The following ACTR3B variants were observed in gnomAD, a reference collection of about 807,000 sequenced individuals.
The protein encoded by ACTR3B is actin-related protein 3B.
A neutral mutation model predicts 59.0 loss-of-function variants in ACTR3B; 8 were observed. That is an observed-to-expected ratio of 0.14 (90% CI 0.08 to 0.24). The LOEUF (loss-of-function observed/expected upper bound fraction) is 0.24, where lower values mean the gene tolerates loss of function less well. ACTR3B is among the 10% of genes least tolerant of loss of function. The pLI is 1.00. For missense variants in ACTR3B, 245 were observed against 552.3 expected, an observed-to-expected ratio of 0.44 and a Z score of 5.58; for synonymous variants, 148 against 197.9, an observed-to-expected ratio of 0.75 and a Z score of 2.12.
intron 9 of ACTR3B, among the ~76,000 whole-genome samples, chr7:152,844,620 C>T (rs893357818): frequency 4.0e-5 from 6 of 151,716 alleles, no homozygotes; most frequent in Non-Finnish European, 1.5e-5. Context: ...GTTACAAATT[C>T]TTTCTTATTG....
chr7:152,784,447 C>A (rs2098164875), intron 2 of ACTR3B, among the ~76,000 whole-genome samples: 1 of 152,082 alleles, frequency 6.6e-6, no homozygotes, highest in African/African-American at 2.4e-5. Flanking sequence ...TAACCTCATT[C>A]CGGTTCCTTG....
chr7:152,768,539 C>T (rs530324372), intron 1 of ACTR3B, among the ~76,000 whole-genome samples: 81 of 152,076 alleles, frequency 5.3e-4, no homozygotes, highest in African/African-American at 1.8e-3. Flanking sequence ...TGCAATGGAG[C>T]GATCTCGGCT....
chr7:152,845,516 T>C (rs1445016232), intron 9 of ACTR3B, among the ~76,000 whole-genome samples: 1 of 152,238 alleles, frequency 6.6e-6, no homozygotes, highest in African/African-American at 2.4e-5. Context: ...AGCTGGACAC[T>C]TGGAGCTCCC....
intron 2 of ACTR3B, among the ~76,000 whole-genome samples, chr7:152,800,283 C>G (rs1174456793): frequency 6.6e-6 from 1 of 152,276 alleles, no homozygotes; most frequent in Non-Finnish European, 1.5e-5. Flanking sequence ...AATGGACCTT[C>G]TGTCAGTATA....
intron 2 of ACTR3B, among the ~76,000 whole-genome samples, chr7:152,793,969 C>G (rs1022552231): frequency 1.4e-4 from 22 of 151,810 alleles, no homozygotes; most frequent in African/African-American, 5.1e-4. Flanking sequence ...GAAGTGGGGA[C>G]TGTGGTATGT....
In ACTR3B at chr7:152,823,522, T is replaced by C. The variant is rs1294019588; in HGVS notation, c.858+7T>C. 8 of 1,613,872 alleles carry C rather than the reference T, an allele frequency of 5.0e-6. No homozygotes were observed. The South Asian group carries it at 6.6e-5, about 13-fold the overall frequency. Reference sequence around the variant, plus strand: ...AATATTCTTTCACCCGGAGGTGAGATGTTTCCTTTTTTGTGTGCTCAAGTG... The same window carrying C: ...AATATTCTTTCACCCGGAGGTGAGACGTTTCCTTTTTTGTGTGCTCAAGTG... On this transcript the variant is annotated splice_region_variant and intron_variant, in intron 8 of 11. Transcript: ENST00000256001.
chr7:152,844,049 C>A (rs1252441660), intron 9 of ACTR3B, among the ~76,000 whole-genome samples: 1 of 152,156 alleles, frequency 6.6e-6, no homozygotes, highest in Non-Finnish European at 1.5e-5. Context: ...GCTTGAAATT[C>A]TTTCTAAATT....
At chr7:152,811,741 T>C (rs1795252990) in intron 4 of ACTR3B, 1 of 152,024 alleles carries the variant, frequency 6.6e-6, no homozygotes, top group African/African-American at 2.4e-5. Flanking sequence ...CAGGTTGGTA[T>C]TGCCACATGT....
In ACTR3B at chr7:152,837,988, G is replaced by A. The variant is rs561329200; in HGVS notation, c.951+12866G>A. Among the ~76,000 whole-genome samples, 5 of 152,184 alleles carry A rather than the reference G, an allele frequency of 3.3e-5. No individual in the cohort carries two copies. In the South Asian group the frequency reaches 1.0e-3, roughly 32 times the overall value. On this transcript the variant is annotated intron_variant, in intron 9 of 11. Transcript: ENST00000256001. ...TCCATTTCATCTGGGCGAGGGGGGA[G>A]GTATGCTTTTGTAGTTGAGTGTTAA...
At chr7:152,792,652 G>T (rs1467824646) in intron 2 of ACTR3B, among the ~76,000 whole-genome samples, 1 of 152,070 alleles carries the variant, frequency 6.6e-6, no homozygotes, top group African/African-American at 2.4e-5. Context: ...GGAGGCTGAG[G>T]CAGGAGAATT....
At chr7:152,792,618 G>A (rs1355627195) in intron 2 of ACTR3B, among the ~76,000 whole-genome samples, 1 of 151,934 alleles carries the variant, frequency 6.6e-6, no homozygotes, top group Non-Finnish European at 1.5e-5. Context: ...GTGGTGGCGT[G>A]CACCTGTAGT....
chr7:152,777,875 G>A (rs1372414208), intron 1 of ACTR3B, among the ~76,000 whole-genome samples: 1 of 151,930 alleles, frequency 6.6e-6, no homozygotes, highest in East Asian at 1.9e-4. Flanking sequence ...GCTCAAACAT[G>A]GGAGGTGGAG....
chr7:152,766,887 A>G (rs2098112133), intron 1 of ACTR3B, among the ~76,000 whole-genome samples: 1 of 152,020 alleles, frequency 6.6e-6, no homozygotes, highest in Non-Finnish European at 1.5e-5. Context: ...CCTGGGTTCA[A>G]GCGATTCTCC....
At chr7:152,777,767 G>A (rs546983510) in intron 1 of ACTR3B, among the ~76,000 whole-genome samples, 10 of 152,104 alleles carry the variant, frequency 6.6e-5, no homozygotes, top group East Asian at 1.9e-4. Flanking sequence ...CCTGGCCAAC[G>A]TGGTGAAACC....
intron 10 of ACTR3B, among the ~76,000 whole-genome samples, chr7:152,853,255 G>A (rs1798974380): frequency 6.6e-6 from 1 of 152,146 alleles, no homozygotes; most frequent in Non-Finnish European, 1.5e-5. Flanking sequence ...CCTTGTGAGA[G>A]GGAGGTGCTG....
At chr7:152,818,715 C>T (rs1330594896) in intron 6 of ACTR3B, among the ~76,000 whole-genome samples, 16 of 152,262 alleles carry the variant, frequency 1.1e-4, no homozygotes, top group Non-Finnish European at 1.3e-4. Flanking sequence ...TCCCAAGGTG[C>T]TGGGATTACA....
In ACTR3B at chr7:152,824,468, T is replaced by G. The variant is rs1406257526; in HGVS notation, c.859-562T>G. Among the ~76,000 whole-genome samples the G allele has an allele frequency of 6.6e-6, 1 of 152,248 alleles. No homozygotes were observed. Among genetic ancestry groups the G allele is most frequent in the Non-Finnish European group, 1.5e-5 (1 of 68,050 alleles). On this transcript the variant is annotated intron_variant, in intron 8 of 11. Transcript: ENST00000256001. The surrounding 1 kb of genome is among the most constrained non-coding windows in gnomAD (Gnocchi z 4.2). Reference sequence around the variant, plus strand: ...TGTAATTGAGTTGAATTTGTTATACTTTAGCTTATTTAACTTATGGAATTG... The same window carrying G: ...TGTAATTGAGTTGAATTTGTTATACGTTAGCTTATTTAACTTATGGAATTG...
At chr7:152,800,353 C>T (rs1590295843) in intron 2 of ACTR3B, among the ~76,000 whole-genome samples, 178 bp from the exon 3 acceptor site, 1 of 152,270 alleles carries the variant, frequency 6.6e-6, no homozygotes, top group African/African-American at 2.4e-5. Flanking sequence ...ATAGAATAGC[C>T]TGCTTCTGTA....
chr7:152,850,018 C>T (rs1203101329), intron 9 of ACTR3B, among the ~76,000 whole-genome samples: 1 of 151,932 alleles, frequency 6.6e-6, no homozygotes, highest in Admixed American at 6.6e-5. Flanking sequence ...AAGGCCAGAT[C>T]ACTGGTCGCT....
Sources: allele counts gnomAD v4.1 joint callset (sites outside exome capture counted in the v4.1 genomes callset), GRCh38; gene constraint gnomAD v4.1.1; non-coding constraint Gnocchi (gnomAD v3.1); transcripts MANE v1.5; gene names NCBI Gene and HGNC (gene_info 2026-07-23, HGNC 2026-07-21).